The following ZPBP variants were observed in gnomAD, a reference collection of about 807,000 sequenced individuals.
ZPBP encodes the protein zona pellucida-binding protein 1.
A neutral mutation model predicts 44.8 loss-of-function variants in ZPBP; 26 were observed. The observed-to-expected ratio is 0.58, with a 90% CI of 0.43 to 0.81. ZPBP has a LOEUF of 0.81. Among genes scored for constraint, ZPBP ranks in the 30% least tolerant of loss-of-function variants. The probability of loss-of-function intolerance (pLI) is 0.00; values close to 1 mark genes in which losing one functional copy is unlikely to be tolerated. For missense variants in ZPBP, 409 were observed against 434.0 expected, an observed-to-expected ratio of 0.94 and a Z score of 0.51; for synonymous variants, 174 against 153.2, an observed-to-expected ratio of 1.14 and a Z score of -1.00.
In ZPBP at chr7:49,882,927, A is replaced by G. The variant is rs76019375; in HGVS notation, n.509+18191T>C. On this transcript the variant is annotated intron_variant and non_coding_transcript_variant, in intron 2 of 2. Transcript: ENST00000465922. ...CCTCTATCTTAAACTCTTCTGGAGAATAAATCCACAGAAAGCCTCAAAGCT... is the reference window on the plus strand; with the variant it reads ...CCTCTATCTTAAACTCTTCTGGAGAGTAAATCCACAGAAAGCCTCAAAGCT... Among the ~76,000 whole-genome samples the G allele has an allele frequency of 7.7e-3, 1,168 of 152,076 alleles. 79 individuals carry two copies. The East Asian group carries it at 0.17, about 23-fold the overall frequency.
At chr7:50,006,676 T>C (rs755340771) in intron 6 of ZPBP, among the ~76,000 whole-genome samples, 1 of 151,828 alleles carries the variant, frequency 6.6e-6, no homozygotes, top group Non-Finnish European at 1.5e-5. Flanking sequence ...CACCTATATA[T>C]AGCAACAGGA....
intron 1 of ZPBP, among the ~76,000 whole-genome samples, chr7:49,911,206 G>A (rs112660588): frequency 5.9e-5 from 9 of 152,208 alleles, no homozygotes; most frequent in Admixed American, 2.6e-4. Context: ...TAAATGGGCT[G>A]GGAGCGGTGG....
intron 7 of ZPBP, among the ~76,000 whole-genome samples, chr7:49,951,060 G>A (rs571154960): frequency 6.6e-6 from 1 of 151,852 alleles, no homozygotes; most frequent in African/African-American, 2.4e-5. Context: ...AAATAATACA[G>A]TTGAACTCCT....
intron 4 of ZPBP, among the ~76,000 whole-genome samples, chr7:50,043,000 C>T (rs552041350): frequency 1.3e-5 from 2 of 152,274 alleles, no homozygotes; most frequent in Admixed American, 6.5e-5. Context: ...ATGACACCCA[C>T]GCTGGAAGAT....
intron 5 of ZPBP, among the ~76,000 whole-genome samples, chr7:50,023,282 TCA>T (rs1562852180): frequency 6.6e-6 from 1 of 152,004 alleles, no homozygotes; most frequent in Non-Finnish European, 1.5e-5. Context: ...TGAGAGCAAA[TCA>T]CAGACTTACA....
rs114247619 is a variant in ZPBP at position 50,049,158 on chromosome 7, A to T, written c.487+8831T>A. Among the ~76,000 whole-genome samples, 1,187 of 152,230 alleles carry T rather than the reference A, an allele frequency of 7.8e-3. 25 individuals carry two copies. The highest frequency in any genetic ancestry group is 0.027 in the African/African-American group (1,127 of 41,582). On this transcript the variant is annotated intron_variant, in intron 4 of 7. Transcript: ENST00000046087. ...CAATCTGATTAGACCTGTAATAAAA[A>T]GGTTGAATTAGTAATCAAAAAACTA...
chr7:50,006,210 A>T (rs1023804693), intron 6 of ZPBP, among the ~76,000 whole-genome samples: 3 of 151,936 alleles, frequency 2.0e-5, no homozygotes, highest in Non-Finnish European at 4.4e-5. Flanking sequence ...TTAGTAATGG[A>T]CAGAACAACC....
chr7:50,033,046 T>C (rs1228423711), intron 4 of ZPBP, among the ~76,000 whole-genome samples: 1 of 152,162 alleles, frequency 6.6e-6, no homozygotes, highest in Non-Finnish European at 1.5e-5. Flanking sequence ...ATTATTTTTA[T>C]CACTTTTTGT....
At chr7:50,040,380 G>A (rs1169863343) in intron 4 of ZPBP, among the ~76,000 whole-genome samples, 2 of 152,192 alleles carry the variant, frequency 1.3e-5, no homozygotes, top group Admixed American at 6.5e-5. Context: ...TGGCGAGATG[G>A]CTGAATAGGA....
chr7:49,857,060 C>CCTTCTTAA (rs1790456419), intron 2 of ZPBP, among the ~76,000 whole-genome samples: 1 of 138,048 alleles, frequency 7.2e-6, no homozygotes, highest in South Asian at 2.5e-4. Flanking sequence ...ATGATATCTA[C>CCTTCTTAA]CTTCTTAACA....
chr7:49,943,263 C>T (rs1794963372), intron 7 of ZPBP: 1 of 295,424 alleles, frequency 3.4e-6, no homozygotes, highest in Non-Finnish European at 6.6e-6. Flanking sequence ...AACATCAATG[C>T]AGTCTTCAGG....
intron 3 of ZPBP, among the ~76,000 whole-genome samples, chr7:50,071,007 A>G (rs1283802611): frequency 2.6e-5 from 4 of 152,170 alleles, no homozygotes; most frequent in African/African-American, 9.7e-5. Flanking sequence ...CTCAGGGGGA[A>G]CTGGGTTTTC....
chr7:49,997,902 C>CTTTATTTATTTA (rs34980402), intron 6 of ZPBP, among the ~76,000 whole-genome samples: 2 of 150,568 alleles, frequency 1.3e-5, no homozygotes, highest in African/African-American at 2.5e-5. Context: ...AATTAAATGT[C>CTTTATTTATTTA]TTTATTTATT....
chr7:49,916,316 T>G (rs904707730), intron 1 of ZPBP: 1 of 152,194 alleles, frequency 6.6e-6, no homozygotes, highest in African/African-American at 2.4e-5. Flanking sequence ...GTGAGACTTC[T>G]GGGCCCTGGG....
chr7:49,960,490 C>A (rs1364795781), intron 7 of ZPBP, among the ~76,000 whole-genome samples: 1 of 150,972 alleles, frequency 6.6e-6, no homozygotes, highest in Non-Finnish European at 1.5e-5. Flanking sequence ...TATTAGAACA[C>A]AAACACTTAC....
Position 49,970,343 on chromosome 7 carries a change from A to G in ZPBP, c.961+12999T>C, listed in dbSNP as rs114857449. Among the ~76,000 whole-genome samples the G allele has an allele frequency of 6.2e-3, 944 of 152,216 alleles. 7 individuals carry two copies. The highest frequency in any genetic ancestry group is 0.021 in the African/African-American group (880 of 41,516). On this transcript the variant is annotated intron_variant, in intron 7 of 7. Transcript: ENST00000046087. ...AACAGTTGGAGATTTCAGTACCCCAATTTCAATAATGAATGAACATTCAGA... is the reference window on the plus strand; with the variant it reads ...AACAGTTGGAGATTTCAGTACCCCAGTTTCAATAATGAATGAACATTCAGA...
chr7:49,904,736 A>ATTT lies in ZPBP; in HGVS notation n.412-3524_412-3522dup, dbSNP rs5884134. On this transcript the variant is annotated intron_variant and non_coding_transcript_variant, in intron 1 of 2. Transcript: ENST00000465922. ...AAAAATAGCAACATAGCATATATTA[A>ATTT]TTTTTTTTTTTTTTTTTGAGATGGA... 1.1e-4 allele frequency among the ~76,000 whole-genome samples: 15 copies of ATTT among 139,004 alleles called. No individual in the cohort carries two copies. In the East Asian group the frequency reaches 1.7e-3, roughly 16 times the overall value. The allele number at this position is 139,004 out of a possible 152,430, so 91.2% of individuals were successfully genotyped here. A position where few individuals can be genotyped will look rare whatever the true frequency, so the allele number is the denominator to read the frequency against.
At chr7:49,840,848 T>C in the ZPBP span, among the ~76,000 whole-genome samples, 134,348 of 152,112 alleles carry the variant, frequency 0.88, 59,726 homozygotes, top group East Asian at 0.94. Context: ...TCTCCATCCT[T>C]TCTCTGACCC....
intron 2 of ZPBP, among the ~76,000 whole-genome samples, chr7:49,851,699 A>G (rs1790184768): frequency 6.6e-6 from 1 of 152,150 alleles, no homozygotes; most frequent in South Asian, 2.1e-4. Context: ...CTCTACTAAA[A>G]ATACAAAACT....
Sources: allele counts gnomAD v4.1 joint callset (sites outside exome capture counted in the v4.1 genomes callset), GRCh38; gene constraint gnomAD v4.1.1; transcripts MANE v1.5; gene names NCBI Gene and HGNC (gene_info 2026-07-23, HGNC 2026-07-21).